Variants in SLC39A11 observed in about 807,000 individuals in gnomAD.
The protein encoded by SLC39A11 is zinc transporter ZIP11.
SLC39A11 carries 33 observed loss-of-function variants against 36.1 expected under a neutral mutation model. The observed-to-expected ratio is 0.91, with a 90% CI of 0.69 to 1.22. SLC39A11 has a LOEUF of 1.22. Among genes scored for constraint, SLC39A11 ranks in the 50% most tolerant of loss-of-function variants. SLC39A11 has a pLI of 0.00. For synonymous variants in SLC39A11, 166 were observed against 170.3 expected, an observed-to-expected ratio of 0.97 and a Z score of 0.20; for missense variants, 432 against 430.3, an observed-to-expected ratio of 1.00 and a Z score of -0.03.
chr17:72,907,625 C>A (rs2082726775), intron 5 of SLC39A11, among the ~76,000 whole-genome samples: 2 of 152,308 alleles, frequency 1.3e-5, no homozygotes, highest in African/African-American at 4.8e-5. Context: ...CTGAAATAGT[C>A]ATCCTTTCTC....
At chr17:73,065,702 C>T (rs932692198) in intron 3 of SLC39A11, among the ~76,000 whole-genome samples, 33 of 152,190 alleles carry the variant, frequency 2.2e-4, no homozygotes, top group Admixed American at 2.2e-3. Context: ...CTCAGCAGAT[C>T]CAGAACACCT....
intron 5 of SLC39A11, among the ~76,000 whole-genome samples, chr17:72,920,796 C>T (rs1456802419): frequency 6.7e-6 from 1 of 148,542 alleles, no homozygotes; most frequent in Non-Finnish European, 1.5e-5. Flanking sequence ...CCCATACACA[C>T]ATGCACACTT....
Position 72,646,488 on chromosome 17 carries a change from ATTTAC to A in SLC39A11, c.*1091_*1095del, listed in dbSNP as rs2069566789. On this transcript the variant is annotated 3_prime_UTR_variant, in exon 10 of 10. Coordinates refer to ENST00000255559, the MANE Select transcript of SLC39A11 (RefSeq NM_139177.4). ...ATTTCAGAATGATGAGTTGGCTAAA[ATTTAC>A]TTTAAAGGGGAAATGTAAAATTACC... 6.6e-6 allele frequency: 1 copy of A among 152,212 alleles called. No individual in the cohort carries two copies. Among genetic ancestry groups the A allele is most frequent in the Non-Finnish European group, 1.5e-5 (1 of 68,026 alleles). 9.4% of individuals were successfully genotyped at this position (152,212 alleles called of 1,614,324 possible). A position where few individuals can be genotyped will look rare whatever the true frequency, so the allele number is the denominator to read the frequency against.
intron 6 of SLC39A11, among the ~76,000 whole-genome samples, chr17:72,832,863 CAATT>C (rs904119090): frequency 2.3e-4 from 35 of 152,230 alleles, no homozygotes; most frequent in African/African-American, 7.7e-4. Flanking sequence ...GAAACGTGAT[CAATT>C]AATTAAACCT....
intron 5 of SLC39A11, among the ~76,000 whole-genome samples, chr17:72,920,066 A>C (rs941644710): frequency 7.2e-5 from 11 of 152,158 alleles, no homozygotes; most frequent in Non-Finnish European, 1.5e-4. Flanking sequence ...CGTTTTCAAA[A>C]GGGCTCCTCT....
At chr17:72,711,731 T>A (rs189549738) in intron 7 of SLC39A11, among the ~76,000 whole-genome samples, 1 of 152,080 alleles carries the variant, frequency 6.6e-6, no homozygotes, top group East Asian at 1.9e-4. Flanking sequence ...GAGATTCCCA[T>A]CAGGTTGAGC....
chr17:72,843,361 C>T (rs946485786), intron 6 of SLC39A11, among the ~76,000 whole-genome samples: 1 of 152,048 alleles, frequency 6.6e-6, no homozygotes, highest in Non-Finnish European at 1.5e-5. Flanking sequence ...TTTATGTCTC[C>T]CCAGAATTCA....
intron 7 of SLC39A11, among the ~76,000 whole-genome samples, chr17:72,658,329 G>C (rs2070240451): frequency 6.6e-6 from 1 of 152,172 alleles, no homozygotes; most frequent in African/African-American, 2.4e-5. Context: ...CTTCCAACCT[G>C]GTAGAGGCTG....
intron 3 of SLC39A11, among the ~76,000 whole-genome samples, chr17:73,083,683 A>T (rs2144795882): frequency 6.6e-6 from 1 of 151,106 alleles, no homozygotes; most frequent in Non-Finnish European, 1.5e-5. Context: ...CTAGAGACAA[A>T]TGACCCAGTT....
intron 3 of SLC39A11, among the ~76,000 whole-genome samples, chr17:73,038,885 G>C (rs867670681): frequency 6.6e-6 from 1 of 152,004 alleles, no homozygotes. Flanking sequence ...GGTTGTTGCT[G>C]AACTCTTCTG....
At chr17:72,902,892 G>A (rs1312209139) in intron 5 of SLC39A11, among the ~76,000 whole-genome samples, 1 of 152,126 alleles carries the variant, frequency 6.6e-6, no homozygotes, top group Non-Finnish European at 1.5e-5. Flanking sequence ...GCAAATAAGG[G>A]AAACTCAGAA....
At chr17:72,710,436 C>T (rs984431917) in intron 7 of SLC39A11, among the ~76,000 whole-genome samples, 37 of 152,182 alleles carry the variant, frequency 2.4e-4, no homozygotes, top group African/African-American at 8.9e-4. Context: ...AGGGCTCCAC[C>T]CTCAAGCATG....
At chr17:72,955,093 T>A (rs2086148158) in intron 4 of SLC39A11, among the ~76,000 whole-genome samples, 1 of 152,118 alleles carries the variant, frequency 6.6e-6, no homozygotes, top group Non-Finnish European at 1.5e-5. Flanking sequence ...TGTACAGTAA[T>A]AATGCTATAT....
chr17:72,928,379 A>G (rs1263788682), intron 5 of SLC39A11, among the ~76,000 whole-genome samples: 2 of 152,250 alleles, frequency 1.3e-5, no homozygotes, highest in African/African-American at 4.8e-5. Flanking sequence ...TGGTAGTACC[A>G]ATCCTGATTC....
intron 3 of SLC39A11, among the ~76,000 whole-genome samples, chr17:73,054,130 C>T (rs1190959220): frequency 1.3e-5 from 2 of 152,018 alleles, no homozygotes; most frequent in South Asian, 2.1e-4. Context: ...TTTGGGAGGC[C>T]GAGGTGGGTG....
chr17:72,849,804 T>C lies in SLC39A11; in HGVS notation c.431A>G (p.Asp144Gly). Residue 144 changes from aspartate (D) to glycine (G), a missense_variant and splice_region_variant, in exon 6 of 10, where the codon GAC (aspartate) becomes GGC (glycine). Transcript: ENST00000255559. The part of the protein sequence containing the change: ...FPESELSIRI[D>G]KSENGEAYQR... The stretch of plus-strand genomic sequence containing the variant: ...ATATGCCTCACCATTCTCACTCTTG[T>C]CTGAGCAAAAAAAAAAAAAAAGAGA... 2 of 1,469,666 alleles carry C rather than the reference T, an allele frequency of 1.4e-6. No homozygotes were observed. The highest frequency in any genetic ancestry group is 1.8e-5 in the African/African-American group (1 of 55,990). 91.0% of individuals were successfully genotyped at this position (1,469,666 alleles called of 1,614,324 possible).
At chr17:72,787,592 T>C (rs1224115294) in intron 6 of SLC39A11, among the ~76,000 whole-genome samples, 1 of 152,202 alleles carries the variant, frequency 6.6e-6, no homozygotes, top group Non-Finnish European at 1.5e-5. Flanking sequence ...CTCTCTTAAA[T>C]TACTGGGGTT....
At position 72,735,377 on chromosome 17, in the gene SLC39A11, C is replaced by A. The variant is rs74553796; in HGVS notation, c.671+1273G>T. Among the ~76,000 whole-genome samples the A allele has an allele frequency of 6.4e-3, 977 of 152,158 alleles. 10 individuals carry two copies. The highest frequency in any genetic ancestry group is 0.021 in the African/African-American group (868 of 41,502). ...AACAGGCCCCACGCAGGCTTGGTAA[C>A]CAGGGAAGGATGGAAAAGGGGTTAT... On this transcript the variant is annotated intron_variant, in intron 7 of 9. Transcript: ENST00000255559.
At chr17:72,692,584 G>T (rs59094888) in intron 7 of SLC39A11, among the ~76,000 whole-genome samples, 1 of 152,138 alleles carries the variant, frequency 6.6e-6, no homozygotes, top group Non-Finnish European at 1.5e-5. Flanking sequence ...TCACTATCAC[G>T]AGAATAGCAC....
Sources: allele counts gnomAD v4.1 joint callset (sites outside exome capture counted in the v4.1 genomes callset), GRCh38; gene constraint gnomAD v4.1.1; transcripts MANE v1.5; gene names NCBI Gene and HGNC (gene_info 2026-07-23, HGNC 2026-07-21).